DNM3: variants seen among roughly 807,000 people sequenced by gnomAD.
DNM3 encodes dynamin-3.
In DNM3, 47 loss-of-function variants were observed where a neutral mutation model predicts 101.6. That is an observed-to-expected ratio of 0.46 (90% CI 0.37 to 0.59). The LOEUF (loss-of-function observed/expected upper bound fraction) is 0.59, where lower values mean the gene tolerates loss of function less well. DNM3 is among the 20% of genes least tolerant of loss of function. DNM3 has a pLI of 0.00. For missense variants in DNM3, 849 were observed against 1,085.7 expected (o/e 0.78, Z 3.06); for synonymous variants, 385 against 387.9 (o/e 0.99, Z 0.09).
Position 172,032,497 on chromosome 1 carries a change from A to G in DNM3, c.685A>G (p.Arg229Gly). 4 of 1,366,504 alleles carry G rather than the reference A, an allele frequency of 2.9e-6. No individual in the cohort carries two copies. Among genetic ancestry groups the G allele is most frequent in the Middle Eastern group, 2.0e-4 (1 of 5,072 alleles). The allele number at this position is 1,366,504 out of a possible 1,614,324, so 84.6% of individuals were successfully genotyped here. The part of the protein sequence containing the change: ...VLENKLLPLR[R>G]GYVGVVNRSQ... The stretch of plus-strand genomic sequence containing the variant: ...AGAGAACAAACTGTTGCCTCTTCGC[A>G]GGGGTAATGTACTGTGGTCTATACA... Residue 229 changes from arginine (R) to glycine (G), a missense_variant, in exon 5 of 21, where the codon AGG becomes GGG. By Grantham distance (125) the Arg-to-Gly change is moderately radical (BLOSUM62 -2). Coordinates refer to ENST00000627582, the MANE Select transcript of DNM3 (RefSeq NM_015569.5).
At chr1:172,234,503 T>TCCTC (rs1427196090) in intron 14 of DNM3, among the ~76,000 whole-genome samples, 5 of 152,118 alleles carry the variant, frequency 3.3e-5, no homozygotes, top group Non-Finnish European at 7.4e-5. Context: ...AAGCTACCAA[T>TCCTC]GACTTTCTTC....
intron 1 of DNM3, among the ~76,000 whole-genome samples, chr1:171,918,823 A>G (rs951164238): frequency 7.9e-5 from 12 of 152,234 alleles, no homozygotes; most frequent in African/African-American, 2.4e-4. Flanking sequence ...ATTATTTGCT[A>G]TTTATAATGT....
chr1:172,344,601 A>C (rs1232188595), intron 17 of DNM3, among the ~76,000 whole-genome samples: 1 of 152,232 alleles, frequency 6.6e-6, no homozygotes, highest in Non-Finnish European at 1.5e-5. Context: ...GCTGTTGCCA[A>C]CTGAGTGGTC....
chr1:172,282,301 C>T (rs990576165), intron 15 of DNM3, among the ~76,000 whole-genome samples: 14 of 152,148 alleles, frequency 9.2e-5, no homozygotes, highest in Admixed American at 9.2e-4. Flanking sequence ...GGAACATTTC[C>T]ATTTTAATAA....
At chr1:172,000,912 G>A (rs1185292596) in intron 4 of DNM3, among the ~76,000 whole-genome samples, 1 of 152,062 alleles carries the variant, frequency 6.6e-6, no homozygotes, top group Admixed American at 6.6e-5. Context: ...CTGAAAGATG[G>A]GAGATATTAT....
intron 13 of DNM3, among the ~76,000 whole-genome samples, chr1:172,103,479 T>TA (rs2054796144): frequency 6.6e-6 from 1 of 152,164 alleles, no homozygotes; most frequent in African/African-American, 2.4e-5. Flanking sequence ...TGTGGCATAA[T>TA]ATTATAGTGT....
chr1:172,143,488 T>C (rs1399388530), intron 14 of DNM3, among the ~76,000 whole-genome samples: 2 of 152,132 alleles, frequency 1.3e-5, no homozygotes, highest in African/African-American at 4.8e-5. Context: ...TTCATTCAGC[T>C]TGAGGGTTTT....
intron 2 of DNM3, among the ~76,000 whole-genome samples, chr1:171,981,121 A>G (rs2044759599): frequency 6.6e-6 from 1 of 152,150 alleles, no homozygotes; most frequent in African/African-American, 2.4e-5. Context: ...CAGAAGAGTA[A>G]AATGTATCTC....
At chr1:172,123,069 TTAGA>T (rs2056414549) in intron 13 of DNM3, among the ~76,000 whole-genome samples, 1 of 152,178 alleles carries the variant, frequency 6.6e-6, no homozygotes, top group African/African-American at 2.4e-5. Context: ...TTTGCCTATT[TTAGA>T]TACTTAGGAA....
intron 1 of DNM3, among the ~76,000 whole-genome samples, chr1:171,889,277 C>T (rs1027276785): frequency 4.7e-4 from 71 of 152,014 alleles, no homozygotes; most frequent in African/African-American, 1.7e-3. Flanking sequence ...CTGTGCTTGG[C>T]CGTGAATTTA....
intron 13 of DNM3, among the ~76,000 whole-genome samples, chr1:172,112,204 A>G (rs1436360502): frequency 2.0e-5 from 3 of 152,226 alleles, no homozygotes; most frequent in African/African-American, 7.2e-5. Flanking sequence ...CCTTGTGGTA[A>G]GCACTTGACA....
intron 1 of DNM3, among the ~76,000 whole-genome samples, chr1:171,859,051 C>T (rs1453402596): frequency 6.6e-6 from 1 of 152,134 alleles, no homozygotes; most frequent in East Asian, 1.9e-4. Flanking sequence ...TAAAATTTTT[C>T]AGTTCCTAAT....
At chr1:171,846,230 A>T (rs889147225) in intron 1 of DNM3, among the ~76,000 whole-genome samples, 1 of 104,424 alleles carries the variant, frequency 9.6e-6, no homozygotes, top group Non-Finnish European at 2.0e-5. Flanking sequence ...CTTTTAGGTT[A>T]TCACAAATTC....
chr1:171,933,545 G>A (rs1191256056), intron 2 of DNM3, among the ~76,000 whole-genome samples: 1 of 152,206 alleles, frequency 6.6e-6, no homozygotes, highest in East Asian at 1.9e-4. Context: ...GCAGAGGTAA[G>A]TTAGAAGGTT....
rs574754479 is a variant in DNM3 at position 172,275,912 on chromosome 1, G to A, written c.1769+22230G>A. 1.3e-4 allele frequency among the ~76,000 whole-genome samples: 20 copies of A among 152,252 alleles called. No homozygotes were observed. In the East Asian group the frequency reaches 2.9e-3, roughly 22 times the overall value. On this transcript the variant is annotated intron_variant, in intron 15 of 20. Transcript: ENST00000627582. The stretch of plus-strand genomic sequence containing the variant: ...GTTGCCTTATGGAACTGAAGGACTC[G>A]CATTCTGCGTTGTCTTTCCAGAGGA...
chr1:172,397,681 C>T (rs1251282721), intron 20 of DNM3, among the ~76,000 whole-genome samples: 3 of 152,130 alleles, frequency 2.0e-5, no homozygotes, highest in African/African-American at 7.2e-5. Flanking sequence ...TTTGAATAAA[C>T]CCATTGAAAT....
chr1:172,279,924 C>T (rs759656598), intron 15 of DNM3, among the ~76,000 whole-genome samples: 3 of 152,066 alleles, frequency 2.0e-5, no homozygotes, highest in African/African-American at 7.2e-5. Context: ...CTATCAGACC[C>T]CTCTGCTTAA....
chr1:172,146,284 C>A (rs1469210929), intron 14 of DNM3, among the ~76,000 whole-genome samples: 1 of 152,128 alleles, frequency 6.6e-6, no homozygotes, highest in Admixed American at 6.6e-5. Context: ...AAAATGGCCT[C>A]TTTTGAATCA....
At chr1:172,206,192 A>G (rs2060316711) in intron 14 of DNM3, among the ~76,000 whole-genome samples, 1 of 152,132 alleles carries the variant, frequency 6.6e-6, no homozygotes, top group Admixed American at 6.6e-5. Context: ...TAGGATTGGA[A>G]TCCAATACTA....
Sources: allele counts gnomAD v4.1 joint callset (sites outside exome capture counted in the v4.1 genomes callset), GRCh38; gene constraint gnomAD v4.1.1; transcripts MANE v1.5; gene names NCBI Gene and HGNC (gene_info 2026-07-23, HGNC 2026-07-21).